Variants in IL1RAPL2 observed in about 807,000 individuals in gnomAD.
IL1RAPL2 encodes the protein interleukin 1 receptor accessory protein like 2.
Under a neutral mutation model 44.1 loss-of-function variants are expected in IL1RAPL2, and 3 were observed. That is an observed-to-expected ratio of 0.07 (90% CI 0.03 to 0.18). The LOEUF is 0.18. Among genes scored for constraint, IL1RAPL2 ranks in the 10% least tolerant of loss-of-function variants. IL1RAPL2 has a pLI of 1.00. For synonymous variants in IL1RAPL2, 181 were observed against 178.8 expected (o/e 1.01, Z -0.10); for missense variants, 391 against 496.4 (o/e 0.79, Z 2.02).
chrX:104,712,380 A>G (rs1012073262), intron 2 of IL1RAPL2, among the ~76,000 whole-genome samples: 4 of 110,760 alleles, frequency 3.6e-5, no homozygotes, highest in African/African-American at 1.3e-4. Context: ...GAAAAGAGTG[A>G]AGTGAAAAGA....
At chrX:104,792,752 A>C (rs2147608754) in intron 2 of IL1RAPL2, among the ~76,000 whole-genome samples, 1 of 111,613 alleles carries the variant, frequency 9.0e-6, no homozygotes, top group South Asian at 3.8e-4. Flanking sequence ...TGGTCACAGT[A>C]ATCAGATTGC....
intron 2 of IL1RAPL2, among the ~76,000 whole-genome samples, chrX:104,907,704 A>G (rs1924064823): frequency 9.1e-6 from 1 of 110,258 alleles, no homozygotes; most frequent in Admixed American, 9.7e-5. Flanking sequence ...ACATTTGCTG[A>G]GGAGAGCTTT....
At chrX:104,906,143 T>C (rs1223516961) in intron 2 of IL1RAPL2, among the ~76,000 whole-genome samples, 12 of 110,752 alleles carry the variant, frequency 1.1e-4, no homozygotes, top group Non-Finnish European at 1.9e-4. Flanking sequence ...GTGATTTTTG[T>C]ACATTGATTT....
chrX:105,687,524 C>A (rs192555898), intron 6 of IL1RAPL2, among the ~76,000 whole-genome samples: 1 of 111,383 alleles, frequency 9.0e-6, no homozygotes, highest in Non-Finnish European at 1.9e-5. Context: ...CAAGACTAAA[C>A]AAGGAAGAAT....
At chrX:105,078,741 C>G (rs1487438560) in intron 2 of IL1RAPL2, among the ~76,000 whole-genome samples, 1 of 112,449 alleles carries the variant, frequency 8.9e-6, no homozygotes, top group Non-Finnish European at 1.9e-5. Context: ...GCGGTCGCCC[C>G]TCCCCCAGCC....
intron 2 of IL1RAPL2, among the ~76,000 whole-genome samples, chrX:104,680,739 T>A (rs1158667322): frequency 1.8e-5 from 2 of 111,968 alleles, no homozygotes; most frequent in African/African-American, 3.2e-5. Flanking sequence ...AACATTATCT[T>A]CTTGATTTAG....
chrX:104,787,419 C>T (rs1932805001), intron 2 of IL1RAPL2, among the ~76,000 whole-genome samples: 1 of 111,089 alleles, frequency 9.0e-6, no homozygotes, highest in African/African-American at 3.3e-5. Context: ...TACTTTGTAG[C>T]CCCAGACAAG....
chrX:104,673,772 C>A (rs1413851031), intron 2 of IL1RAPL2, among the ~76,000 whole-genome samples: 3 of 107,291 alleles, frequency 2.8e-5, no homozygotes, highest in Non-Finnish European at 3.9e-5. Context: ...CTTTTATTTC[C>A]TTGAGCAGTG....
intron 2 of IL1RAPL2, among the ~76,000 whole-genome samples, chrX:105,061,795 C>A (rs1185447287): frequency 8.9e-6 from 1 of 111,851 alleles, no homozygotes; most frequent in Non-Finnish European, 1.9e-5. Context: ...TGTATAGTGA[C>A]CTGTCTCTTC....
chrX:105,298,318 G>A (rs954818593), intron 5 of IL1RAPL2, among the ~76,000 whole-genome samples: 12 of 111,555 alleles, frequency 1.1e-4, no homozygotes, highest in Admixed American at 1.1e-3. Context: ...AGTGAAGATG[G>A]AGTGAAGTGA....
intron 2 of IL1RAPL2, among the ~76,000 whole-genome samples, chrX:104,715,688 A>T (rs1417482303): frequency 1.8e-5 from 2 of 109,319 alleles, no homozygotes; most frequent in Non-Finnish European, 3.8e-5. Flanking sequence ...GCTAAAAAAA[A>T]AAAATAATAA....
intron 8 of IL1RAPL2, among the ~76,000 whole-genome samples, chrX:105,747,545 C>T (rs2038559480): frequency 1.0e-5 from 1 of 99,328 alleles, no homozygotes; most frequent in African/African-American, 3.7e-5. Flanking sequence ...TACACACACA[C>T]ACACACATAT....
intron 7 of IL1RAPL2, among the ~76,000 whole-genome samples, chrX:105,724,665 G>A (rs1047126373): frequency 2.7e-5 from 3 of 112,067 alleles, no homozygotes; most frequent in African/African-American, 9.7e-5. Context: ...AATTTTATGT[G>A]TGCAGTAACA....
intron 5 of IL1RAPL2, among the ~76,000 whole-genome samples, chrX:105,357,482 T>C (rs1449910612): frequency 8.9e-6 from 1 of 111,754 alleles, no homozygotes; most frequent in Non-Finnish European, 1.9e-5. Flanking sequence ...TGCACACAAA[T>C]TTTTAGTCTT....
At chrX:104,896,116 C>T (rs369296585) in intron 2 of IL1RAPL2, among the ~76,000 whole-genome samples, 11 of 111,768 alleles carry the variant, frequency 9.8e-5, no homozygotes, top group Non-Finnish European at 1.9e-4. Context: ...TCACACAACA[C>T]CTTTCAAACT....
intron 6 of IL1RAPL2, among the ~76,000 whole-genome samples, chrX:105,533,265 A>G (rs2036652535): frequency 8.9e-6 from 1 of 112,389 alleles, no homozygotes; most frequent in Non-Finnish European, 1.9e-5. Flanking sequence ...TTCATGGAGA[A>G]CCTAATTGTT....
chrX:105,530,545 A>G (rs945267249), intron 6 of IL1RAPL2, among the ~76,000 whole-genome samples: 1 of 111,349 alleles, frequency 9.0e-6, no homozygotes, highest in African/African-American at 3.3e-5. Flanking sequence ...ATCATGGATA[A>G]TGGGTTGTCC....
intron 1 of IL1RAPL2, among the ~76,000 whole-genome samples, chrX:104,643,923 G>A (rs1214668071): frequency 9.0e-6 from 1 of 111,365 alleles, no homozygotes; most frequent in Non-Finnish European, 1.9e-5. Context: ...AGGGTAATGA[G>A]GTTGGTCCAC....
At chrX:104,764,966 G>C (rs1019814725) in intron 2 of IL1RAPL2, among the ~76,000 whole-genome samples, 8 of 111,836 alleles carry the variant, frequency 7.2e-5, no homozygotes, top group Non-Finnish European at 1.5e-4. Context: ...ATAGTATTCT[G>C]TTGAGGATTT....
Sources: gnomAD v4.1 joint callset for allele counts (sites outside exome capture counted in the v4.1 genomes callset) on GRCh38, gnomAD v4.1.1 for gene constraint, MANE v1.5 for transcripts, NCBI Gene and HGNC (gene_info 2026-07-23, HGNC 2026-07-21) for gene names.